The following ZBTB46 variants were observed in gnomAD, a reference collection of about 807,000 sequenced individuals.
ZBTB46 encodes the protein zinc finger and BTB domain-containing protein 46.
ZBTB46 carries 8 observed loss-of-function variants against 44.1 expected under a neutral mutation model. The observed-to-expected ratio is 0.18, with a 90% CI of 0.11 to 0.33. The LOEUF is 0.33. Ranked by LOEUF, ZBTB46 falls within the 10% of genes least tolerant of loss-of-function variation. The pLI, the probability that ZBTB46 is intolerant of heterozygous loss-of-function variation, is 1.00. For missense variants in ZBTB46, 651 were observed against 847.7 expected (o/e 0.77, Z 2.88); for synonymous variants, 409 against 382.3 (o/e 1.07, Z -0.81).
chr20:63,825,729 G>A (rs2092816255), intron 1 of ZBTB46, among the ~76,000 whole-genome samples: 1 of 152,212 alleles, frequency 6.6e-6, no homozygotes, highest in Admixed American at 6.5e-5. Flanking sequence ...TAACTCAGAA[G>A]CTTCTAATCT....
rs1263707213 is a variant in ZBTB46 at position 63,767,922 on chromosome 20, G to A, written c.1222+7756C>T. ...TGCAGAAACCCACCCTCATGCCAGC[G>A]GGAGCCAACTCTGGAAGAGGACTGC... On this transcript the variant is annotated intron_variant, in intron 3 of 4. Coordinates refer to ENST00000245663, the MANE Select transcript of ZBTB46 (RefSeq NM_001369741.1). The surrounding 1 kb of genome is among the most constrained non-coding windows in gnomAD (Gnocchi z 5.0). 3.1e-5 allele frequency: 31 copies of A among 985,324 alleles called. No homozygotes were observed. The highest frequency in any genetic ancestry group is 4.7e-5 in the South Asian group (1 of 21,290). 61.0% of individuals were successfully genotyped at this position (985,324 alleles called of 1,614,324 possible). A position where few individuals can be genotyped will look rare whatever the true frequency, so the allele number is the denominator to read the frequency against.
intron 3 of ZBTB46, among the ~76,000 whole-genome samples, chr20:63,764,636 CTT>C (rs1162020328): frequency 2.4e-4 from 35 of 148,274 alleles, no homozygotes; most frequent in African/African-American, 8.5e-4. Flanking sequence ...GAGTTTCGCT[CTT>C]GTTGCCCATG....
At chr20:63,776,071 G>A (rs758473449) in intron 2 of ZBTB46, 109 bp from the exon 3 acceptor site, 55 of 1,360,110 alleles carry the variant, frequency 4.0e-5, no homozygotes, top group Non-Finnish European at 5.1e-5. Flanking sequence ...CTGAGCTACA[G>A]AGCAGCATCA....
intron 1 of ZBTB46, among the ~76,000 whole-genome samples, chr20:63,793,272 A>C (rs2092575609): frequency 1.3e-5 from 2 of 152,230 alleles, no homozygotes; most frequent in Admixed American, 6.5e-5. Flanking sequence ...CATTCGGAGC[A>C]GGCTGTGGGG....
At chr20:63,810,376 A>G (rs903791079) in intron 1 of ZBTB46, among the ~76,000 whole-genome samples, 2 of 152,156 alleles carry the variant, frequency 1.3e-5, no homozygotes, top group Admixed American at 1.3e-4. Flanking sequence ...TGAGAACAGA[A>G]AGCCCAGCTG....
chr20:63,815,042 T>C lies in ZBTB46; in HGVS notation c.-34+16055A>G, dbSNP rs548568108. The C allele has an allele frequency of 7.6e-4, 139 of 182,340 alleles. 2 individuals carry two copies. Among genetic ancestry groups the C allele is most frequent in the African/African-American group, 3.2e-3 (133 of 41,892 alleles). 11.3% of individuals were successfully genotyped at this position (182,340 alleles called of 1,614,324 possible). On this transcript the variant is annotated intron_variant, in intron 1 of 4. Coordinates refer to ENST00000245663, the MANE Select transcript of ZBTB46 (RefSeq NM_001369741.1). ...GAGATTGCGCCACTACACTCCAGCC[T>C]GGATGACAGAGCAAGACCCTGTCTC...
Position 63,790,698 on chromosome 20 carries a change from C to T in ZBTB46, c.60G>A (p.Glu20=). 1 of 1,611,610 alleles carries T rather than the reference C, an allele frequency of 6.2e-7. No individual in the cohort carries two copies. Among genetic ancestry groups the T allele is most frequent in the South Asian group, 1.1e-5 (1 of 91,076 alleles). The change falls in exon 2 of 5, where the codon GAG becomes GAA. Residue 20 remains glutamate (E), a synonymous_variant. Transcript: ENST00000245663. ...CGCCGTGCTGCCTCTGCTCGTTGAGCTCCCGCAGCAGGTGCCGGTAGTGGG... is the reference window on the plus strand; with the variant it reads ...CGCCGTGCTGCCTCTGCTCGTTGAGTTCCCGCAGCAGGTGCCGGTAGTGGG... ...ITSHYRHLLR[E]LNEQRQHGVL...
In ZBTB46 at chr20:63,787,174, T is replaced by A. The variant is rs2145915230; in HGVS notation, c.937+2647A>T. Among the ~76,000 whole-genome samples the A allele has an allele frequency of 6.6e-6, 1 of 152,180 alleles. No individual in the cohort carries two copies. The highest frequency in any genetic ancestry group is 1.9e-4 in the East Asian group (1 of 5,180). On this transcript the variant is annotated intron_variant, in intron 2 of 4. Transcript: ENST00000245663. This position sits in a 1 kb window ranked among gnomAD's most constrained non-coding sequence, Gnocchi z 4.6. ...ACTTCATGCGCCACAGAAGGGCATT[T>A]TGGTCAGGGATGGACCACAGATAAC...
chr20:63,805,915 GGTGTGTGCC>G (rs2092678436), intron 1 of ZBTB46, among the ~76,000 whole-genome samples: 1 of 151,776 alleles, frequency 6.6e-6, no homozygotes, highest in Non-Finnish European at 1.5e-5. Context: ...TGGGATTATA[GGTGTGTGCC>G]ACCACACCCG....
chr20:63,827,336 G>A (rs566681640), intron 1 of ZBTB46, among the ~76,000 whole-genome samples: 6 of 152,170 alleles, frequency 3.9e-5, no homozygotes, highest in African/African-American at 9.7e-5. Flanking sequence ...GGCCGGGCGC[G>A]GTGGCTCACG....
intron 4 of ZBTB46, among the ~76,000 whole-genome samples, 160 bp from the exon 5 acceptor site, chr20:63,747,461 G>C (rs1349094761): frequency 2.1e-5 from 1 of 46,950 alleles, no homozygotes; most frequent in Non-Finnish European, 4.2e-5. Context: ...TGGAGGTGGG[G>C]GGGGCGGGGC....
At chr20:63,781,903 G>C (rs2092472989) in intron 2 of ZBTB46, among the ~76,000 whole-genome samples, 1 of 151,696 alleles carries the variant, frequency 6.6e-6, no homozygotes. Context: ...GACTAACACG[G>C]TGAAACCTCG....
At chr20:63,814,246 AAAG>A (rs2092734798) in intron 1 of ZBTB46, among the ~76,000 whole-genome samples, 16 of 151,748 alleles carry the variant, frequency 1.1e-4, no homozygotes, top group Middle Eastern at 3.4e-3. Flanking sequence ...AAAAAAAAAA[AAAG>A]AAAAGAAAAA....
In ZBTB46 at chr20:63,753,617, G is replaced by A. The variant is rs116559412; in HGVS notation, c.1223-756C>T. Reference sequence around the variant, plus strand: ...GAGAGCCCGGAGCAGCCACGTCCACGGGACCCTACGGGAGACCCACCTGAA... The same window carrying A: ...GAGAGCCCGGAGCAGCCACGTCCACAGGACCCTACGGGAGACCCACCTGAA... On this transcript the variant is annotated intron_variant, in intron 3 of 4. Coordinates refer to ENST00000245663, the MANE Select transcript of ZBTB46 (RefSeq NM_001369741.1). Among the ~76,000 whole-genome samples, 477 of 152,326 alleles carry A rather than the reference G, an allele frequency of 3.1e-3. 4 individuals carry two copies. The highest frequency in any genetic ancestry group is 0.011 in the African/African-American group (449 of 41,584).
chr20:63,813,604 CAGG>C (rs1453408614), intron 1 of ZBTB46, among the ~76,000 whole-genome samples: 2 of 152,158 alleles, frequency 1.3e-5, no homozygotes, highest in Non-Finnish European at 2.9e-5. Flanking sequence ...ACGGCTCAGG[CAGG>C]AGTTCAAGGT....
chr20:63,763,854 T>C (rs969216393), intron 3 of ZBTB46, among the ~76,000 whole-genome samples: 5 of 152,270 alleles, frequency 3.3e-5, no homozygotes, highest in Non-Finnish European at 7.3e-5. Context: ...TAGTGTCATA[T>C]GTTTTGCTTC....
At chr20:63,820,092 GCA>G (rs890334707) in intron 1 of ZBTB46, among the ~76,000 whole-genome samples, 1 of 151,996 alleles carries the variant, frequency 6.6e-6, no homozygotes, top group Non-Finnish European at 1.5e-5. Context: ...CAGTAAACAG[GCA>G]CACTTTTTTT....
At chr20:63,792,662 C>T (rs887654825) in intron 1 of ZBTB46, among the ~76,000 whole-genome samples, 2 of 152,122 alleles carry the variant, frequency 1.3e-5, no homozygotes, top group African/African-American at 4.8e-5. Flanking sequence ...ACTACAGACA[C>T]CCGCCACCAC....
At chr20:63,831,329 C>T (rs1214061205), upstream of ZBTB46, 3 of 139,986 alleles carry the variant, frequency 2.1e-5, no homozygotes, top group Non-Finnish European at 3.2e-5. Flanking sequence ...GCCCGCGGAC[C>T]CTGACCCCGC....
Sources: gnomAD v4.1 joint callset for allele counts (sites outside exome capture counted in the v4.1 genomes callset) on GRCh38, gnomAD v4.1.1 for gene constraint, Gnocchi (gnomAD v3.1) non-coding constraint, MANE v1.5 for transcripts, NCBI Gene and HGNC (gene_info 2026-07-23, HGNC 2026-07-21) for gene names.